CSDC2: variants seen among roughly 807,000 people sequenced by gnomAD.
CSDC2 encodes cold shock domain-containing protein C2.
A neutral mutation model predicts 15.8 loss-of-function variants in CSDC2; 8 were observed. The observed-to-expected ratio is 0.51, with a 90% CI of 0.30 to 0.92. The LOEUF is 0.92. Ranked by LOEUF, CSDC2 falls within the 40% of genes least tolerant of loss-of-function variation. The probability of loss-of-function intolerance (pLI) is 0.07; values close to 1 mark genes in which losing one functional copy is unlikely to be tolerated. For synonymous variants in CSDC2, 96 were observed against 92.3 expected (o/e 1.04, Z -0.23); for missense variants, 195 against 213.3 (o/e 0.91, Z 0.53).
Position 41,574,848 on chromosome 22 carries a change from C to G in CSDC2, c.415C>G (p.Pro139Ala). Residue 139 changes from proline to alanine, a missense_variant, in exon 4 of 4, where the codon CCC becomes GCC. Coordinates refer to ENST00000306149, the MANE Select transcript of CSDC2 (RefSeq NM_014460.4). The stretch of plus-strand genomic sequence containing the variant: ...GGAGGTGGTGCTCACTCAGCTGGCC[C>G]CCCACACTCCCCACGAGACGTGGTC... Reference protein sequence around the residue: ...AVEVVLTQLAPHTPHETWSGQ... With the variant: ...AVEVVLTQLAAHTPHETWSGQ... The G allele has an allele frequency of 1.2e-6, 2 of 1,610,308 alleles. No homozygotes were observed. The highest frequency in any genetic ancestry group is 1.7e-6 in the Non-Finnish European group (2 of 1,178,586).
rs1040892355 is a variant in CSDC2 at position 41,573,658 on chromosome 22, A to G, written c.180A>G (p.Thr60=). ...PTKRTRTYSA[T]ARASAGPVFK... is the part of the protein sequence containing the mutation. The stretch of plus-strand genomic sequence containing the variant: ...AATCCCACTACCCTATCTCCAGGAC[A>G]GCCCGGGCCTCAGCTGGCCCCGTGT... The change falls in exon 3 of 4, where the codon ACA becomes ACG. Residue 60 remains threonine (T), a synonymous_variant. Transcript: ENST00000306149. 3.1e-6 allele frequency: 5 copies of G among 1,612,088 alleles called. No homozygotes were observed. In the African/African-American group the frequency reaches 5.3e-5, roughly 17 times the overall value.
intron 1 of CSDC2, among the ~76,000 whole-genome samples, chr22:41,565,275 C>T (rs1487019981): frequency 6.6e-6 from 1 of 151,580 alleles, no homozygotes; most frequent in Non-Finnish European, 1.5e-5. Context: ...CATGGTGAAA[C>T]CCCATCTCTA....
At chr22:41,568,178 G>T (rs186667480) in intron 1 of CSDC2, among the ~76,000 whole-genome samples, 1 of 123,878 alleles carries the variant, frequency 8.1e-6, no homozygotes, top group African/African-American at 3.2e-5. Flanking sequence ...AGGCTGTAGT[G>T]CAGTAGCTTG....
chr22:41,562,394 C>G (rs2067091332), intron 1 of CSDC2, among the ~76,000 whole-genome samples: 1 of 141,128 alleles, frequency 7.1e-6, no homozygotes, highest in Non-Finnish European at 1.6e-5. Context: ...CTTGACCCAT[C>G]CTCACCCCCT....
chr22:41,573,444 C>T lies in CSDC2; in HGVS notation c.177-211C>T, dbSNP rs534967750. 5.9e-4 allele frequency among the ~76,000 whole-genome samples: 89 copies of T among 152,134 alleles called. 1 individual carries two copies. Among genetic ancestry groups the T allele is most frequent in the Admixed American group, 3.7e-3 (57 of 15,284 alleles). On this transcript the variant is annotated intron_variant, in intron 2 of 3. Transcript: ENST00000306149. ...AACTCCTAGGCCCAAGTGATCCTCC[C>T]GCCTCAGCCTCCCAAAGTGCTGGGA...
At chr22:41,568,434 A>C (rs1601994483) in intron 1 of CSDC2, among the ~76,000 whole-genome samples, 1 of 152,038 alleles carries the variant, frequency 6.6e-6, no homozygotes, top group Admixed American at 6.6e-5. Context: ...CAGGTGCGCC[A>C]CCGCCATGCC....
chr22:41,573,873 A>G, intron 3 of CSDC2, 96 bp downstream of exon 3: 3 of 1,452,198 alleles, frequency 2.1e-6, no homozygotes, highest in Non-Finnish European at 1.9e-6. Flanking sequence ...TCACTGGCTG[A>G]GGTCTGTATT....
In CSDC2 at chr22:41,572,023, C is replaced by A; in HGVS notation, c.58C>A (p.Pro20Thr). The A allele has an allele frequency of 7.3e-7, 1 of 1,361,838 alleles. No homozygotes were observed. Among genetic ancestry groups the A allele is most frequent in the Non-Finnish European group, 9.5e-7 (1 of 1,055,266 alleles). The allele number at this position is 1,361,838 out of a possible 1,614,324, so 84.4% of individuals were successfully genotyped here. The change falls in exon 2 of 4, where the codon CCA (proline) becomes ACA (threonine). Residue 20 changes from proline (P) to threonine (T), a missense_variant. Physicochemically the swap from Pro to Thr is conservative, Grantham distance 38. Coordinates refer to ENST00000306149, the MANE Select transcript of CSDC2 (RefSeq NM_014460.4). ...GCCCCCGCTCCACTCCCCCAAGTCC[C>A]CAGTCTGGCCCACCTTCCCCTTCCA... Reference protein sequence around the residue: ...VVPPLHSPKSPVWPTFPFHRE... With the variant: ...VVPPLHSPKSTVWPTFPFHRE...
At chr22:41,567,756 G>A (rs1039194861) in intron 1 of CSDC2, among the ~76,000 whole-genome samples, 17 of 152,262 alleles carry the variant, frequency 1.1e-4, no homozygotes, top group African/African-American at 4.1e-4. Context: ...TTTGATTGGT[G>A]TGTGTCCTTG....
intron 1 of CSDC2, among the ~76,000 whole-genome samples, chr22:41,568,473 C>T (rs1173785849): frequency 1.3e-5 from 2 of 152,178 alleles, no homozygotes; most frequent in Admixed American, 1.3e-4. Context: ...TTTATAGACA[C>T]AAGCTTTCAC....
intron 1 of CSDC2, among the ~76,000 whole-genome samples, chr22:41,564,511 T>C (rs867075617): frequency 3.9e-5 from 6 of 151,976 alleles, no homozygotes; most frequent in South Asian, 4.1e-4. Flanking sequence ...CCACCCGCCT[T>C]AGCCTCCCAA....
In CSDC2 at chr22:41,574,728, G is replaced by A. The variant is rs373678081; in HGVS notation, c.300-5G>A. On this transcript the variant is annotated splice_polypyrimidine_tract_variant and splice_region_variant and intron_variant, in intron 3 of 3. Coordinates refer to ENST00000306149, the MANE Select transcript of CSDC2 (RefSeq NM_014460.4). The stretch of plus-strand genomic sequence containing the variant: ...TGGGCTAATACCCCTCTTCCTGCCC[G>A]CCAGCATCGAGGGGGAGTACGTGCC... 55 of 1,613,240 alleles carry A rather than the reference G, an allele frequency of 3.4e-5. No homozygotes were observed. The East Asian group carries it at 5.3e-4, about 16-fold the overall frequency.
intron 1 of CSDC2, among the ~76,000 whole-genome samples, chr22:41,567,465 T>C (rs748880075): frequency 1.3e-5 from 2 of 152,260 alleles, no homozygotes; most frequent in African/African-American, 4.8e-5. Flanking sequence ...ATTCAGCCAA[T>C]GAAAGCCTCA....
At chr22:41,562,095 T>G (rs538064644) in intron 1 of CSDC2, among the ~76,000 whole-genome samples, 1 of 152,170 alleles carries the variant, frequency 6.6e-6, no homozygotes, top group Non-Finnish European at 1.5e-5. Context: ...AACTGCTGCA[T>G]CCACTGGGGC....
intron 1 of CSDC2, among the ~76,000 whole-genome samples, chr22:41,566,630 CAA>C (rs554141972): frequency 8.6e-4 from 72 of 83,390 alleles, no homozygotes; most frequent in Middle Eastern, 7.0e-3. Context: ...GACTCTGTCT[CAA>C]AAAAAAAAAA....
At chr22:41,566,675 C>T (rs1311780936) in intron 1 of CSDC2, among the ~76,000 whole-genome samples, 1 of 148,470 alleles carries the variant, frequency 6.7e-6, no homozygotes, top group African/African-American at 2.5e-5. Flanking sequence ...CTCAGTGGCT[C>T]ACGCCTGTAA....
At chr22:41,565,307 G>A (rs11912093) in intron 1 of CSDC2, among the ~76,000 whole-genome samples, 1,997 of 151,184 alleles carry the variant, frequency 0.013, 29 homozygotes, top group African/African-American at 0.044. Flanking sequence ...AAAATTAATC[G>A]GGTGTGGTGG....
At position 41,575,734 on chromosome 22, in the gene CSDC2, GGCT is replaced by G. The variant is rs774165633; in HGVS notation, c.*844_*846del. 1.8e-4 allele frequency: 28 copies of G among 152,444 alleles called. No individual in the cohort carries two copies. The highest frequency in any genetic ancestry group is 6.5e-4 in the African/African-American group (27 of 41,560). The allele number at this position is 152,444 out of a possible 1,614,324, so 9.4% of individuals were successfully genotyped here. ...ATGCTCTGGGCCATGCCCGGCTGAC[GGCT>G]GCTGTGGATGCCGCGAGGGACGGAC... On this transcript the variant is annotated 3_prime_UTR_variant, in exon 4 of 4. Transcript: ENST00000306149.
intron 1 of CSDC2, among the ~76,000 whole-genome samples, chr22:41,568,319 T>G (rs1285118751): frequency 6.6e-6 from 1 of 151,850 alleles, no homozygotes; most frequent in Non-Finnish European, 1.5e-5. Flanking sequence ...TGTCTAACTT[T>G]GTCCCCCAGG....
Sources: allele counts gnomAD v4.1 joint callset (sites outside exome capture counted in the v4.1 genomes callset), GRCh38; gene constraint gnomAD v4.1.1; transcripts MANE v1.5; gene names NCBI Gene and HGNC (gene_info 2026-07-23, HGNC 2026-07-21).